The following RTRAF variants were observed in gnomAD, a reference collection of about 807,000 sequenced individuals.
RTRAF encodes tRNA-splicing ligase complex subunit RTRAF.
A neutral mutation model predicts 34.4 loss-of-function variants in RTRAF; 14 were observed. The ratio of observed to expected loss-of-function variants is 0.41; its 90% CI spans 0.27 to 0.64. The LOEUF (loss-of-function observed/expected upper bound fraction) is 0.64. Ranked by LOEUF, RTRAF falls within the 30% of genes least tolerant of loss-of-function variation. The pLI is 0.34. For missense variants in RTRAF, 291 were observed against 288.4 expected (o/e 1.01, Z -0.06); for synonymous variants, 96 against 95.3 (o/e 1.01, Z -0.04).
At position 52,004,727 on chromosome 14, in the gene RTRAF, T is replaced by C. The variant is rs1890687183; in HGVS notation, c.*211T>C. On this transcript the variant is annotated 3_prime_UTR_variant, in exon 8 of 8. Coordinates refer to ENST00000261700, the MANE Select transcript of RTRAF (RefSeq NM_016039.3). ...ATTATGTACTGTATGTTTGCATAAA[T>C]CACCTTTCTCCTTTGTGGTTAAGGC... is the stretch of plus-strand genomic sequence containing the variant. 1 of 451,646 alleles carries C rather than the reference T, an allele frequency of 2.2e-6. No homozygotes were observed. Among genetic ancestry groups the C allele is most frequent in the Non-Finnish European group, 3.8e-6 (1 of 261,020 alleles). 28.0% of individuals were successfully genotyped at this position (451,646 alleles called of 1,614,324 possible). A position where few individuals can be genotyped will look rare whatever the true frequency, so the allele number is the denominator to read the frequency against.
chr14:52,005,529 G>T lies in RTRAF; in HGVS notation c.*1013G>T. Reference sequence around the variant, plus strand: ...AGAAGAGCAGGGGTGGGACAGGGTGGTGGGTGAGTATATTGTAACCAAGTT... The same window carrying T: ...AGAAGAGCAGGGGTGGGACAGGGTGTTGGGTGAGTATATTGTAACCAAGTT... On this transcript the variant is annotated 3_prime_UTR_variant, in exon 8 of 8. Transcript: ENST00000261700. The T allele has an allele frequency of 6.3e-7, 1 of 1,592,242 alleles. No individual in the cohort carries two copies. Among genetic ancestry groups the T allele is most frequent in the Non-Finnish European group, 8.5e-7 (1 of 1,171,450 alleles).
In RTRAF at chr14:52,004,651, C is replaced by A; in HGVS notation, c.*135C>A. 2.7e-6 allele frequency: 2 copies of A among 729,574 alleles called. No individual in the cohort carries two copies. The highest frequency in any genetic ancestry group is 2.4e-5 in the South Asian group (1 of 40,876). The allele number at this position is 729,574 out of a possible 1,614,324, so 45.2% of individuals were successfully genotyped here. On this transcript the variant is annotated 3_prime_UTR_variant, in exon 8 of 8. Coordinates refer to ENST00000261700, the MANE Select transcript of RTRAF (RefSeq NM_016039.3). ...TTGGGTATGTTCTAGAGATTTACCACCATTGCTTATTGCTTTTTTCTTTAA... is the reference window on the plus strand; with the variant it reads ...TTGGGTATGTTCTAGAGATTTACCAACATTGCTTATTGCTTTTTTCTTTAA...
intron 3 of RTRAF, among the ~76,000 whole-genome samples, chr14:51,995,853 A>C (rs551540027): frequency 6.6e-6 from 1 of 152,262 alleles, no homozygotes; most frequent in South Asian, 2.1e-4. Flanking sequence ...ACATGTATTC[A>C]TAAGCCTTAT....
chr14:52,001,667 T>G, intron 5 of RTRAF, 131 bp from the exon 6 acceptor site: 1 of 651,650 alleles, frequency 1.5e-6, no homozygotes, highest in Non-Finnish European at 2.7e-6. Context: ...TTTAATTTAA[T>G]GGGGAGTTTA....
At position 52,005,892 on chromosome 14, in the gene RTRAF, C is replaced by T. The variant is rs1566737273; in HGVS notation, c.*1376C>T. 10 of 1,426,014 alleles carry T rather than the reference C, an allele frequency of 7.0e-6. No homozygotes were observed. The South Asian group carries it at 1.2e-4, about 16-fold the overall frequency. The allele number at this position is 1,426,014 out of a possible 1,614,324, so 88.3% of individuals were successfully genotyped here. A position where few individuals can be genotyped will look rare whatever the true frequency, so the allele number is the denominator to read the frequency against. On this transcript the variant is annotated 3_prime_UTR_variant, in exon 8 of 8. Coordinates refer to ENST00000261700, the MANE Select transcript of RTRAF (RefSeq NM_016039.3). The stretch of plus-strand genomic sequence containing the variant: ...GAGTGAATTCAGGGACAGTCATTTA[C>T]TAGATAAAGAAGTCAGTCAGCCACA...
At chr14:51,989,894 C>T (rs528455548) in intron 1 of RTRAF, among the ~76,000 whole-genome samples, 194 bp downstream of exon 1, 12 of 152,354 alleles carry the variant, frequency 7.9e-5, no homozygotes, top group Non-Finnish European at 1.6e-4. Flanking sequence ...GCCCTCTCAC[C>T]TACTCCTGTC....
At position 52,008,252 on chromosome 14, in the gene RTRAF, G is replaced by T. The variant is rs944884656; in HGVS notation, c.*3736G>T. On this transcript the variant is annotated 3_prime_UTR_variant, in exon 8 of 8. Coordinates refer to ENST00000261700, the MANE Select transcript of RTRAF (RefSeq NM_016039.3). The stretch of plus-strand genomic sequence containing the variant: ...TGGATGCCATGTTGCAAGCTACCCT[G>T]TAAAGGGGAACATGTGCCAAGGAAC... The T allele has an allele frequency of 3.5e-6, 1 of 285,652 alleles. No individual in the cohort carries two copies. Among genetic ancestry groups the T allele is most frequent in the Non-Finnish European group, 6.6e-6 (1 of 152,554 alleles). The allele number at this position is 285,652 out of a possible 1,614,324, so 17.7% of individuals were successfully genotyped here. A position where few individuals can be genotyped will look rare whatever the true frequency, so the allele number is the denominator to read the frequency against.
intron 3 of RTRAF, among the ~76,000 whole-genome samples, chr14:51,997,591 G>T (rs1890540156): frequency 1.3e-5 from 2 of 151,712 alleles, no homozygotes; most frequent in Admixed American, 1.3e-4. Context: ...ATTAATAAGT[G>T]TTTTTATTTT....
intron 6 of RTRAF, among the ~76,000 whole-genome samples, chr14:52,003,516 T>G (rs1271653737): frequency 6.6e-6 from 1 of 152,144 alleles, no homozygotes; most frequent in Non-Finnish European, 1.5e-5. Context: ...GGTAGTGTGT[T>G]TTTCTTGGCA....
chr14:52,006,019 T>A lies in RTRAF; in HGVS notation c.*1503T>A. 3.3e-6 allele frequency: 2 copies of A among 601,644 alleles called. No individual in the cohort carries two copies. The highest frequency in any genetic ancestry group is 5.7e-5 in the East Asian group (2 of 35,070). The allele number at this position is 601,644 out of a possible 1,614,324, so 37.3% of individuals were successfully genotyped here. ...TTGAAGACCATTGCTCTAAATCCAT[T>A]GCTCATCTCTAGCTGCATGTTAGAA... On this transcript the variant is annotated 3_prime_UTR_variant, in exon 8 of 8. Coordinates refer to ENST00000261700, the MANE Select transcript of RTRAF (RefSeq NM_016039.3).
chr14:51,991,690 A>G (rs1486970094), intron 2 of RTRAF, among the ~76,000 whole-genome samples: 1 of 152,258 alleles, frequency 6.6e-6, no homozygotes, highest in African/African-American at 2.4e-5. Context: ...AGTTTCTTAA[A>G]TAAATAATGA....
At chr14:52,000,455 C>T (rs149618330) in intron 5 of RTRAF, among the ~76,000 whole-genome samples, 4 of 152,134 alleles carry the variant, frequency 2.6e-5, no homozygotes, top group African/African-American at 9.6e-5. Flanking sequence ...TGGTGTGGAT[C>T]AGGGGAGTGG....
In RTRAF at chr14:52,008,963, G is replaced by T. The variant is rs1286712484; in HGVS notation, c.*4447G>T. 1 of 152,160 alleles carries T rather than the reference G, an allele frequency of 6.6e-6. No homozygotes were observed. Among genetic ancestry groups the T allele is most frequent in the Non-Finnish European group, 1.5e-5 (1 of 68,028 alleles). The allele number at this position is 152,160 out of a possible 1,614,324, so 9.4% of individuals were successfully genotyped here. On this transcript the variant is annotated 3_prime_UTR_variant, in exon 8 of 8. Coordinates refer to ENST00000261700, the MANE Select transcript of RTRAF (RefSeq NM_016039.3). Reference sequence around the variant, plus strand: ...ACGAGGAAATATGGTCCTATTAAGTGGAAATAGGTTATAAGGAAACAAACA... The same window carrying T: ...ACGAGGAAATATGGTCCTATTAAGTTGAAATAGGTTATAAGGAAACAAACA...
chr14:52,004,270 AT>A lies in RTRAF; in HGVS notation c.580+36del, dbSNP rs374217060. 145 of 1,588,210 alleles carry A rather than the reference AT, an allele frequency of 9.1e-5. 1 individual carries two copies. The African/African-American group carries it at 1.5e-3, about 16-fold the overall frequency. ...AAGTGATTTTGTTTAAATTCAAACTATTTTTTTTACAGACTGAATACTTGGG... is the reference window on the plus strand; with the variant it reads ...AAGTGATTTTGTTTAAATTCAAACTATTTTTTTACAGACTGAATACTTGGG... On this transcript the variant is annotated intron_variant, in intron 7 of 7. Transcript: ENST00000261700.
Position 52,005,369 on chromosome 14 carries a change from A to C in RTRAF, c.*853A>C. ...TTGCACTACAAAATGTTCATCTTGG[A>C]TGCTCAGGAACGTCTAATGGCCAAT... On this transcript the variant is annotated 3_prime_UTR_variant, in exon 8 of 8. Transcript: ENST00000261700. The C allele has an allele frequency of 1.1e-6, 1 of 932,780 alleles. No individual in the cohort carries two copies. The highest frequency in any genetic ancestry group is 1.7e-5 in the African/African-American group (1 of 60,292). The allele number at this position is 932,780 out of a possible 1,614,324, so 57.8% of individuals were successfully genotyped here.
rs374158657 is a variant in RTRAF at position 52,008,264 on chromosome 14, A to G, written c.*3748A>G. The G allele has an allele frequency of 3.9e-5, 10 of 259,246 alleles. No individual in the cohort carries two copies. The highest frequency in any genetic ancestry group is 1.1e-3 in the Middle Eastern group (1 of 884). 16.1% of individuals were successfully genotyped at this position (259,246 alleles called of 1,614,324 possible). A position where few individuals can be genotyped will look rare whatever the true frequency, so the allele number is the denominator to read the frequency against. ...TGCAAGCTACCCTGTAAAGGGGAAC[A>G]TGTGCCAAGGAACTGATGTCCTTGA... On this transcript the variant is annotated 3_prime_UTR_variant, in exon 8 of 8. Transcript: ENST00000261700.
rs1428263290 is a variant in RTRAF, at chr14:52,004,858, A to ACAT, written c.*344_*346dup. ...TAATCTAGAAAATTTTAAAATTGTTACATCTTTGGTATTTATAAATGTGAT... is the reference window on the plus strand; with the variant it reads ...TAATCTAGAAAATTTTAAAATTGTTACATCATCTTTGGTATTTATAAATGTGAT... On this transcript the variant is annotated 3_prime_UTR_variant, in exon 8 of 8. Coordinates refer to ENST00000261700, the MANE Select transcript of RTRAF (RefSeq NM_016039.3). 1 of 181,976 alleles carries ACAT rather than the reference A, an allele frequency of 5.5e-6. No individual in the cohort carries two copies. The highest frequency in any genetic ancestry group is 2.3e-5 in the African/African-American group (1 of 42,576). The allele number at this position is 181,976 out of a possible 1,614,324, so 11.3% of individuals were successfully genotyped here.
In RTRAF at chr14:52,005,677, C is replaced by A. The variant is rs946958601; in HGVS notation, c.*1161C>A. 6.9e-7 allele frequency: 1 copy of A among 1,439,538 alleles called. No homozygotes were observed. The highest frequency in any genetic ancestry group is 2.3e-5 in the East Asian group (1 of 43,964). The allele number at this position is 1,439,538 out of a possible 1,614,324, so 89.2% of individuals were successfully genotyped here. A position where few individuals can be genotyped will look rare whatever the true frequency, so the allele number is the denominator to read the frequency against. Reference sequence around the variant, plus strand: ...ACAGGCAGCAGGGGTAATCAAATACCATATATATCCCTTCTCTACCCTGCT... The same window carrying A: ...ACAGGCAGCAGGGGTAATCAAATACAATATATATCCCTTCTCTACCCTGCT... On this transcript the variant is annotated 3_prime_UTR_variant, in exon 8 of 8. Transcript: ENST00000261700.
At chr14:51,998,274 G>C in intron 3 of RTRAF, 1 of 400,146 alleles carries the variant, frequency 2.5e-6, no homozygotes, top group Non-Finnish European at 4.5e-6. Flanking sequence ...ACATAAAAAT[G>C]AATTTTGTGT....
Sources: gnomAD v4.1 joint callset for allele counts (sites outside exome capture counted in the v4.1 genomes callset) on GRCh38, gnomAD v4.1.1 for gene constraint, MANE v1.5 for transcripts, NCBI Gene and HGNC (gene_info 2026-07-23, HGNC 2026-07-21) for gene names.